MCMDC2: variants seen among roughly 807,000 people sequenced by gnomAD.
MCMDC2 encodes the protein minichromosome maintenance domain-containing protein 2.
In MCMDC2, 54 loss-of-function variants were observed where a neutral mutation model predicts 75.8. The ratio of observed to expected loss-of-function variants is 0.71; its 90% CI spans 0.57 to 0.89. The LOEUF is 0.89. Ranked by LOEUF, MCMDC2 falls within the 40% of genes least tolerant of loss-of-function variation. The probability of loss-of-function intolerance (pLI) is 0.00; values close to 1 mark genes in which losing one functional copy is unlikely to be tolerated. For missense variants in MCMDC2, 656 were observed against 780.4 expected, an observed-to-expected ratio of 0.84 and a Z score of 1.90; for synonymous variants, 249 against 274.6, an observed-to-expected ratio of 0.91 and a Z score of 0.92.
intron 9 of MCMDC2, among the ~76,000 whole-genome samples, chr8:66,887,384 C>CAAAAA (rs1334744459): frequency 1.2e-5 from 1 of 84,724 alleles, no homozygotes; most frequent in Non-Finnish European, 2.9e-5. Flanking sequence ...ACTAAAAATA[C>CAAAAA]AAAAAAAAAA....
At chr8:66,887,233 ACTT>A (rs994450829) in intron 9 of MCMDC2, among the ~76,000 whole-genome samples, 22 of 152,070 alleles carry the variant, frequency 1.4e-4, no homozygotes, top group African/African-American at 5.3e-4. Context: ...GCGTTTTCTG[ACTT>A]CTGTTTAAGA....
intron 14 of MCMDC2, among the ~76,000 whole-genome samples, chr8:66,917,356 A>G (rs1269927589): frequency 2.0e-5 from 3 of 152,196 alleles, no homozygotes; most frequent in East Asian, 3.8e-4. Context: ...TCAATGAATT[A>G]ATGAATAAAA....
intron 14 of MCMDC2, among the ~76,000 whole-genome samples, chr8:66,909,347 G>A (rs1042203134): frequency 2.6e-5 from 4 of 152,184 alleles, no homozygotes; most frequent in Non-Finnish European, 5.9e-5. Flanking sequence ...GTGCGGTGCT[G>A]CTATAAAGAT....
At chr8:66,902,712 ATATATATATATATAT>A (rs1812746572) in intron 13 of MCMDC2, among the ~76,000 whole-genome samples, 1 of 67,764 alleles carries the variant, frequency 1.5e-5, no homozygotes, top group African/African-American at 6.3e-5. Flanking sequence ...AAAAAAAAAA[ATATATATATATATAT>A]ATATATATAT....
At chr8:66,874,643 A>T in intron 4 of MCMDC2, 57 bp downstream of exon 4, 1 of 1,421,434 alleles carries the variant, frequency 7.0e-7, no homozygotes, top group Non-Finnish European at 9.5e-7. Flanking sequence ...ATGACTTGTA[A>T]AAAAATATTT....
intron 12 of MCMDC2, among the ~76,000 whole-genome samples, chr8:66,899,947 C>T (rs1228546885): frequency 1.3e-5 from 2 of 149,024 alleles, no homozygotes; most frequent in Non-Finnish European, 3.0e-5. Flanking sequence ...TATGGTGAAA[C>T]TGTCTCTACT....
chr8:66,896,881 CACTTTGAACAAA>C lies in MCMDC2; in HGVS notation c.1549_1560del (p.Thr517_Lys520del), dbSNP rs775487632. 5 of 1,613,616 alleles carry C rather than the reference CACTTTGAACAAA, an allele frequency of 3.1e-6. No homozygotes were observed. The highest frequency in any genetic ancestry group is 4.2e-6 in the Non-Finnish European group (5 of 1,179,792). On this transcript the variant is annotated inframe_deletion, in exon 12 of 15. Coordinates refer to ENST00000422365, the MANE Select transcript of MCMDC2 (RefSeq NM_173518.5). The stretch of plus-strand genomic sequence containing the variant: ...ACCCATTTCTTCCTACTGTGCAACA[CACTTTGAACAAA>C]GCCATTAATCCTGAAGGGCTGTTTT...
chr8:66,923,355 G>C (rs1813620534), downstream of MCMDC2, among the ~76,000 whole-genome samples: 1 of 152,058 alleles, frequency 6.6e-6, no homozygotes, highest in Non-Finnish European at 1.5e-5. Context: ...AGCAGCCCAG[G>C]AGAATAAATC....
downstream of MCMDC2, chr8:66,922,571 T>C: frequency 1.9e-6 from 1 of 518,244 alleles, no homozygotes. Flanking sequence ...AACCTATCTG[T>C]CAAGAATACA....
At position 66,896,918 on chromosome 8, in the gene MCMDC2, T is replaced by C. The variant is rs202236902; in HGVS notation, c.1585T>C (p.Tyr529His). 3 of 1,612,220 alleles carry C rather than the reference T, an allele frequency of 1.9e-6. No individual in the cohort carries two copies. The highest frequency in any genetic ancestry group is 2.2e-5 in the South Asian group (2 of 90,784). Reference protein sequence around the residue: ...NKAINPEGLFYAASRQFTTED... With the variant: ...NKAINPEGLFHAASRQFTTED... ...AGCCATTAATCCTGAAGGGCTGTTT[T>C]ATGCGGCTTCTAGACAGTTCACAAC... Residue 529 changes from tyrosine (Y) to histidine (H), a missense_variant, in exon 12 of 15, where the codon TAT becomes CAT. Coordinates refer to ENST00000422365, the MANE Select transcript of MCMDC2 (RefSeq NM_173518.5).
chr8:66,884,227 A>G (rs2130808758), intron 9 of MCMDC2: 2 of 535,692 alleles, frequency 3.7e-6, no homozygotes, highest in Non-Finnish European at 3.3e-6. Flanking sequence ...GTAAATAAAT[A>G]CATCCTTCCC....
In MCMDC2 at chr8:66,902,711, A is replaced by AAAT. The variant is rs1467425752; in HGVS notation, c.1769+1364_1769+1365insATA. On this transcript the variant is annotated intron_variant, in intron 13 of 14. Coordinates refer to ENST00000422365, the MANE Select transcript of MCMDC2 (RefSeq NM_173518.5). ...CTGTCTCAAAAAAAAAAAAAAAAAAAATATATATATATATATATATATATA... is the reference window on the plus strand; with the variant it reads ...CTGTCTCAAAAAAAAAAAAAAAAAAAAATATATATATATATATATATATATATA... Among the ~76,000 whole-genome samples, 47 of 67,934 alleles carry AAAT rather than the reference A, an allele frequency of 6.9e-4. 1 individual carries two copies. The highest frequency in any genetic ancestry group is 1.0e-3 in the East Asian group (2 of 2,010). 44.6% of individuals were successfully genotyped at this position (67,934 alleles called of 152,430 possible). A position where few individuals can be genotyped will look rare whatever the true frequency, so the allele number is the denominator to read the frequency against.
At chr8:66,876,005 T>C (rs1308602382) in intron 4 of MCMDC2, among the ~76,000 whole-genome samples, 1 of 152,204 alleles carries the variant, frequency 6.6e-6, no homozygotes, top group Admixed American at 6.5e-5. Context: ...GTATTACATA[T>C]TGTGCTATAT....
At chr8:66,916,154 A>T (rs1385166614) in intron 14 of MCMDC2, among the ~76,000 whole-genome samples, 2 of 151,254 alleles carry the variant, frequency 1.3e-5, no homozygotes, top group Admixed American at 6.6e-5. Context: ...TTTTTTTTTT[A>T]AAGATAGAAG....
intron 13 of MCMDC2, among the ~76,000 whole-genome samples, chr8:66,903,347 C>A (rs1214155672): frequency 2.0e-5 from 3 of 152,050 alleles, no homozygotes; most frequent in Non-Finnish European, 4.4e-5. Flanking sequence ...TTGACATTTT[C>A]TGCCAGTTCT....
chr8:66,906,195 A>C (rs980304585), intron 14 of MCMDC2, among the ~76,000 whole-genome samples: 2 of 152,120 alleles, frequency 1.3e-5, no homozygotes, highest in African/African-American at 4.8e-5. Flanking sequence ...TATTCTCCCA[A>C]AGTTCTTGGT....
At chr8:66,893,459 G>C (rs1812205408) in intron 10 of MCMDC2, among the ~76,000 whole-genome samples, 2 of 152,204 alleles carry the variant, frequency 1.3e-5, no homozygotes, top group South Asian at 4.1e-4. Flanking sequence ...TAGACTTACA[G>C]TTCCACATGG....
At position 66,920,608 on chromosome 8, in the gene MCMDC2, CAT is replaced by C. The variant is rs1043694541; in HGVS notation, c.*1440_*1441del. ...TGCTTCTCAAATACTACATTTCAAA[CAT>C]GTCTGGCTCTCTATGGGGGGAAGGC... On this transcript the variant is annotated 3_prime_UTR_variant, in exon 15 of 15. Transcript: ENST00000422365. The C allele has an allele frequency of 6.6e-6, 1 of 152,198 alleles. No homozygotes were observed. Among genetic ancestry groups the C allele is most frequent in the African/African-American group, 2.4e-5 (1 of 41,464 alleles). The allele number at this position is 152,198 out of a possible 1,614,324, so 9.4% of individuals were successfully genotyped here.
rs547125359 is a variant in MCMDC2 at position 66,903,329 on chromosome 8, ATTTATACT to A, written c.1770-1895_1770-1888del. On this transcript the variant is annotated intron_variant, in intron 13 of 14. Transcript: ENST00000422365. ...AACTAAACATGTCTAAATCTTACAG[ATTTATACT>A]TGACATTTTCTGCCAGTTCTTCATC... 3.8e-3 allele frequency among the ~76,000 whole-genome samples: 571 copies of A among 152,196 alleles called. 12 individuals carry two copies. The highest frequency in any genetic ancestry group is 0.034 in the Admixed American group (516 of 15,268).
Sources: allele counts gnomAD v4.1 joint callset (sites outside exome capture counted in the v4.1 genomes callset), GRCh38; gene constraint gnomAD v4.1.1; transcripts MANE v1.5; gene names NCBI Gene and HGNC (gene_info 2026-07-23, HGNC 2026-07-21).